SPON1: variants seen among roughly 807,000 people sequenced by gnomAD.
The protein encoded by SPON1 is spondin-1.
A neutral mutation model predicts 111.7 loss-of-function variants in SPON1; 52 were observed. The ratio of observed to expected loss-of-function variants is 0.47; its 90% CI spans 0.37 to 0.59. The LOEUF is 0.59. Ranked by LOEUF, SPON1 falls within the 20% of genes least tolerant of loss-of-function variation. The pLI is 0.00. For synonymous variants in SPON1, 410 were observed against 395.8 expected, an observed-to-expected ratio of 1.04 and a Z score of -0.43; for missense variants, 957 against 1,068.5, an observed-to-expected ratio of 0.90 and a Z score of 1.46.
intron 3 of SPON1, among the ~76,000 whole-genome samples, chr11:14,045,701 A>G (rs1848663726): frequency 6.7e-6 from 1 of 150,166 alleles, no homozygotes; most frequent in Admixed American, 6.7e-5. Flanking sequence ...ATTTACATAC[A>G]TATAAAATAA....
chr11:14,127,161 C>G (rs1222500056), intron 5 of SPON1, among the ~76,000 whole-genome samples: 1 of 152,110 alleles, frequency 6.6e-6, no homozygotes, highest in Non-Finnish European at 1.5e-5. Flanking sequence ...TGGACTTCAG[C>G]CTTGGAACAA....
chr11:14,124,538 C>G (rs1847433535), intron 5 of SPON1, among the ~76,000 whole-genome samples: 1 of 152,208 alleles, frequency 6.6e-6, no homozygotes, highest in Non-Finnish European at 1.5e-5. Flanking sequence ...CAGAACATCT[C>G]TAAGACCGGG....
At chr11:14,009,916 T>C (rs565082317) in intron 2 of SPON1, among the ~76,000 whole-genome samples, 128 of 152,276 alleles carry the variant, frequency 8.4e-4, no homozygotes, top group Middle Eastern at 6.8e-3. Context: ...TACTATCACA[T>C]TGGCTATTAG....
At chr11:13,999,049 T>C (rs1224285373) in intron 2 of SPON1, among the ~76,000 whole-genome samples, 1 of 152,218 alleles carries the variant, frequency 6.6e-6, no homozygotes, top group Non-Finnish European at 1.5e-5. Flanking sequence ...CTCTTAATTC[T>C]GGTTTTGCAA....
At chr11:13,972,533 A>G (rs182069921) in intron 1 of SPON1, among the ~76,000 whole-genome samples, 1 of 152,298 alleles carries the variant, frequency 6.6e-6, no homozygotes, top group African/African-American at 2.4e-5. Flanking sequence ...GTCTTTATCA[A>G]TGAAGTTGAT....
intron 6 of SPON1, among the ~76,000 whole-genome samples, chr11:14,173,544 G>A (rs782498265): frequency 9.9e-5 from 15 of 152,176 alleles, no homozygotes; most frequent in South Asian, 2.1e-4. Flanking sequence ...GAGGAGCTGC[G>A]TTCCTTTGGA....
At chr11:14,182,042 TA>T (rs1188985760) in intron 6 of SPON1, among the ~76,000 whole-genome samples, 1 of 152,146 alleles carries the variant, frequency 6.6e-6, no homozygotes, top group Non-Finnish European at 1.5e-5. Context: ...CCATGACAGC[TA>T]AAAAAATTGG....
chr11:14,212,495 A>G (rs1253466822), intron 6 of SPON1, among the ~76,000 whole-genome samples: 1 of 152,196 alleles, frequency 6.6e-6, no homozygotes, highest in Non-Finnish European at 1.5e-5. Context: ...TCCTTTTGCT[A>G]CTGAATATAT....
Position 14,178,065 on chromosome 11 carries a change from C to A in SPON1, c.825+42497C>A, listed in dbSNP as rs181480516. On this transcript the variant is annotated intron_variant, in intron 6 of 15. Coordinates refer to ENST00000576479, the MANE Select transcript of SPON1 (RefSeq NM_006108.4). ...ACACAAACACACACACACACACACA[C>A]ACACACACACGCTTTGGTCTCCAGT... Among the ~76,000 whole-genome samples, 6 of 151,166 alleles carry A rather than the reference C, an allele frequency of 4.0e-5. No homozygotes were observed. The South Asian group carries it at 1.2e-3, about 31-fold the overall frequency.
chr11:14,233,520 G>A (rs1848826470), intron 6 of SPON1, among the ~76,000 whole-genome samples: 1 of 152,264 alleles, frequency 6.6e-6, no homozygotes, highest in East Asian at 1.9e-4. Context: ...CTCTGGGAGG[G>A]CAGCCAAGGC....
chr11:14,243,252 A>G (rs571935507), intron 6 of SPON1, 80 bp from the exon 7 acceptor site: 1 of 1,332,744 alleles, frequency 7.5e-7, no homozygotes, highest in African/African-American at 1.5e-5. Flanking sequence ...AGTGGGGGTG[A>G]ATGGTGTCAC....
chr11:14,205,268 A>G (rs1848505997), intron 6 of SPON1, among the ~76,000 whole-genome samples: 1 of 152,200 alleles, frequency 6.6e-6, no homozygotes, highest in African/African-American at 2.4e-5. Context: ...GTATTATTAC[A>G]TGTGTCTGAA....
At position 14,259,087 on chromosome 11, in the gene SPON1, C is replaced by T. The variant is rs1455053103; in HGVS notation, c.1493-193C>T. ...TGAGATAAAGAGTAATTCTGAGTGTCCCATGCACCTGGAAAAGAGGCATTT... is the reference window on the plus strand; with the variant it reads ...TGAGATAAAGAGTAATTCTGAGTGTTCCATGCACCTGGAAAAGAGGCATTT... On this transcript the variant is annotated intron_variant, in intron 11 of 15. Transcript: ENST00000576479. The surrounding 1 kb of genome is among the most constrained non-coding windows in gnomAD (Gnocchi z 5.0). Among the ~76,000 whole-genome samples the T allele has an allele frequency of 2.0e-5, 3 of 152,250 alleles. No individual in the cohort carries two copies. The highest frequency in any genetic ancestry group is 4.4e-5 in the Non-Finnish European group (3 of 68,052).
intron 6 of SPON1, among the ~76,000 whole-genome samples, chr11:14,174,382 T>G (rs868987931): frequency 5.3e-5 from 8 of 152,312 alleles, no homozygotes; most frequent in Middle Eastern, 6.8e-3. Flanking sequence ...CTGTTAGCCA[T>G]CCCTTAAAGT....
intron 7 of SPON1, among the ~76,000 whole-genome samples, chr11:14,244,288 G>C (rs1054387997): frequency 3.3e-5 from 5 of 152,168 alleles, no homozygotes; most frequent in Non-Finnish European, 5.9e-5. Flanking sequence ...AGGAAGCCAA[G>C]GCGGGCAGAT....
At chr11:14,249,060 T>G (rs1554940469) in intron 7 of SPON1, among the ~76,000 whole-genome samples, 1 of 152,238 alleles carries the variant, frequency 6.6e-6, no homozygotes, top group Non-Finnish European at 1.5e-5. Context: ...ATCTGAATGC[T>G]AAGAATTACT....
intron 5 of SPON1, among the ~76,000 whole-genome samples, chr11:14,125,473 T>C (rs1329910200): frequency 3.3e-5 from 5 of 152,260 alleles, no homozygotes; most frequent in Non-Finnish European, 5.9e-5. Flanking sequence ...ATAACTACTA[T>C]AGCAGATTCC....
At position 14,267,085 on chromosome 11, in the gene SPON1, T is replaced by C. The variant is rs1466108978; in HGVS notation, c.*1398T>C. ...AAATGTGTACCATTGGTGAGACACA[T>C]ACAATGCTCTGAATACACTACGAAT... On this transcript the variant is annotated 3_prime_UTR_variant, in exon 16 of 16. Transcript: ENST00000576479. The C allele has an allele frequency of 2.0e-5, 3 of 152,246 alleles. No homozygotes were observed. The highest frequency in any genetic ancestry group is 2.9e-5 in the Non-Finnish European group (2 of 68,042). The allele number at this position is 152,246 out of a possible 1,614,324, so 9.4% of individuals were successfully genotyped here.
intron 5 of SPON1, among the ~76,000 whole-genome samples, chr11:14,110,003 T>G (rs1309330533): frequency 2.0e-5 from 3 of 152,178 alleles, no homozygotes; most frequent in African/African-American, 7.2e-5. Context: ...TCCACTGAAA[T>G]AGATACATCA....
Sources: allele counts gnomAD v4.1 joint callset (sites outside exome capture counted in the v4.1 genomes callset), GRCh38; gene constraint gnomAD v4.1.1; non-coding constraint Gnocchi (gnomAD v3.1); transcripts MANE v1.5; gene names NCBI Gene and HGNC (gene_info 2026-07-23, HGNC 2026-07-21).